The following NKAIN3 variants were observed in gnomAD, a reference collection of about 807,000 sequenced individuals.
NKAIN3 encodes the protein sodium/potassium-transporting ATPase subunit beta-1-interacting protein 3.
NKAIN3 carries 25 observed loss-of-function variants against 30.2 expected under a neutral mutation model. The ratio of observed to expected loss-of-function variants is 0.83; its 90% CI spans 0.60 to 1.16. The LOEUF (loss-of-function observed/expected upper bound fraction) is 1.16. Among genes scored for constraint, NKAIN3 ranks in the 50% most tolerant of loss-of-function variants. The pLI, the probability that NKAIN3 is intolerant of heterozygous loss-of-function variation, is 0.00. For missense variants in NKAIN3, 225 were observed against 254.1 expected (o/e 0.89, Z 0.78); for synonymous variants, 91 against 89.6 (o/e 1.02, Z -0.09).
intron 3 of NKAIN3, among the ~76,000 whole-genome samples, chr8:62,624,806 TTC>T (rs1178963302): frequency 6.6e-6 from 1 of 151,842 alleles, no homozygotes; most frequent in Non-Finnish European, 1.5e-5. Context: ...TTTCCATCTT[TTC>T]TCTCTTGCTT....
chr8:62,571,033 A>G (rs190009233), intron 1 of NKAIN3, among the ~76,000 whole-genome samples: 1 of 152,334 alleles, frequency 6.6e-6, no homozygotes, highest in African/African-American at 2.4e-5. Flanking sequence ...TGAAGAATCA[A>G]TTCTTTCCTT....
intron 3 of NKAIN3, among the ~76,000 whole-genome samples, chr8:62,714,898 A>G (rs1362989905): frequency 3.9e-5 from 6 of 152,200 alleles, no homozygotes; most frequent in African/African-American, 1.4e-4. Flanking sequence ...GGTCATTAAC[A>G]GTGCTGTTTG....
chr8:62,407,021 A>T (rs1209325946), intron 1 of NKAIN3, among the ~76,000 whole-genome samples: 1 of 152,200 alleles, frequency 6.6e-6, no homozygotes, highest in African/African-American at 2.4e-5. Context: ...GTTTGTAACA[A>T]TATAGACATT....
At chr8:62,477,587 AATAGT>A (rs1246002137) in intron 1 of NKAIN3, among the ~76,000 whole-genome samples, 2 of 152,188 alleles carry the variant, frequency 1.3e-5, no homozygotes, top group Admixed American at 1.3e-4. Context: ...GGGTGATAGA[AATAGT>A]ATTGCTAGGA....
chr8:62,308,532 C>T (rs1392215057), intron 1 of NKAIN3, among the ~76,000 whole-genome samples: 1 of 150,532 alleles, frequency 6.6e-6, no homozygotes, highest in East Asian at 1.9e-4. Context: ...AGTGTGGATA[C>T]AGGAGAAAAT....
At chr8:62,582,560 G>A (rs769364359) in intron 2 of NKAIN3, among the ~76,000 whole-genome samples, 10 of 152,104 alleles carry the variant, frequency 6.6e-5, no homozygotes, top group Admixed American at 2.6e-4. Context: ...ACGAGTATGA[G>A]ACAAGTGTGA....
At chr8:62,293,686 G>C (rs753171159) in intron 1 of NKAIN3, among the ~76,000 whole-genome samples, 7 of 152,160 alleles carry the variant, frequency 4.6e-5, no homozygotes, top group Non-Finnish European at 1.0e-4. Flanking sequence ...CGGGGGTCAG[G>C]GACCCATTTC....
intron 3 of NKAIN3, among the ~76,000 whole-genome samples, chr8:62,689,138 C>T (rs763159790): frequency 1.3e-5 from 2 of 152,086 alleles, no homozygotes; most frequent in Non-Finnish European, 2.9e-5. Context: ...CTTTTGGAAA[C>T]TTATTTTTAA....
chr8:62,543,931 A>G (rs1993128), intron 1 of NKAIN3, among the ~76,000 whole-genome samples: 74,941 of 152,028 alleles, frequency 0.49, 19,505 homozygotes, highest in Non-Finnish European at 0.59. Context: ...GGAGTAAAAT[A>G]AGAGAAATGT....
At chr8:62,870,256 A>ATC (rs1334301061) in intron 4 of NKAIN3, among the ~76,000 whole-genome samples, 5 of 45,584 alleles carry the variant, frequency 1.1e-4, no homozygotes, top group Non-Finnish European at 1.8e-4. Flanking sequence ...ATATCTATAT[A>ATC]TATATCTATA....
chr8:62,472,251 T>C (rs1806377547), intron 1 of NKAIN3, among the ~76,000 whole-genome samples: 1 of 151,944 alleles, frequency 6.6e-6, no homozygotes, highest in Non-Finnish European at 1.5e-5. Flanking sequence ...AAATAAAAAC[T>C]GAATCAGGAA....
intron 4 of NKAIN3, among the ~76,000 whole-genome samples, chr8:62,900,247 T>C (rs755372310): frequency 2.0e-5 from 3 of 152,170 alleles, no homozygotes; most frequent in Non-Finnish European, 4.4e-5. Context: ...ATTCTTGTGC[T>C]GCAGAAAAAT....
At position 62,408,715 on chromosome 8, in the gene NKAIN3, T is replaced by C. The variant is rs192642835; in HGVS notation, c.54+159588T>C. On this transcript the variant is annotated intron_variant, in intron 1 of 6. Transcript: ENST00000623646. ...TCTCACCCACCTTGGTCTAAGTTAG[T>C]ACACCACTGCCATTACCATGTCCAA... 1.9e-3 allele frequency among the ~76,000 whole-genome samples: 291 copies of C among 152,286 alleles called. 1 individual carries two copies. Among genetic ancestry groups the C allele is most frequent in the African/African-American group, 6.7e-3 (280 of 41,554 alleles).
Position 62,982,194 on chromosome 8 carries a change from A to C in NKAIN3, c.*16787A>C, listed in dbSNP as rs1824098295. 1 of 152,246 alleles carries C rather than the reference A, an allele frequency of 6.6e-6. No homozygotes were observed. Among genetic ancestry groups the C allele is most frequent in the Admixed American group, 6.5e-5 (1 of 15,286 alleles). 9.4% of individuals were successfully genotyped at this position (152,246 alleles called of 1,614,324 possible). A position where few individuals can be genotyped will look rare whatever the true frequency, so the allele number is the denominator to read the frequency against. ...ATGATTTCAGACTATCAATTTAAAA[A>C]TTCATTAGTATAAATTAAGAACAGG... is the stretch of plus-strand genomic sequence containing the variant. On this transcript the variant is annotated 3_prime_UTR_variant, in exon 7 of 7. Coordinates refer to ENST00000623646, the MANE Select transcript of NKAIN3 (RefSeq NM_001304533.3).
intron 4 of NKAIN3, among the ~76,000 whole-genome samples, chr8:62,783,612 T>TTTTC (rs1466513592): frequency 6.7e-6 from 1 of 148,662 alleles, no homozygotes; most frequent in Non-Finnish European, 1.5e-5. Context: ...ACACTTTTTT[T>TTTTC]TTTTTTTTTT....
intron 1 of NKAIN3, among the ~76,000 whole-genome samples, chr8:62,545,153 A>C (rs1371432996): frequency 6.6e-6 from 1 of 152,212 alleles, no homozygotes; most frequent in Non-Finnish European, 1.5e-5. Context: ...ATATTTCCTA[A>C]GATCCAAAAA....
chr8:62,322,987 G>T (rs1021266304), intron 1 of NKAIN3, among the ~76,000 whole-genome samples: 4 of 152,154 alleles, frequency 2.6e-5, no homozygotes, highest in Non-Finnish European at 5.9e-5. Flanking sequence ...AGATATCATT[G>T]TATGCTTATT....
chr8:62,350,637 A>G (rs1200062160), intron 1 of NKAIN3, among the ~76,000 whole-genome samples: 1 of 152,156 alleles, frequency 6.6e-6, no homozygotes, highest in African/African-American at 2.4e-5. Flanking sequence ...TGTATATTTT[A>G]ATCATCAAAA....
At chr8:62,823,320 A>G (rs1040530353) in intron 4 of NKAIN3, among the ~76,000 whole-genome samples, 2 of 152,172 alleles carry the variant, frequency 1.3e-5, no homozygotes, top group African/African-American at 4.8e-5. Context: ...AATATGTCAT[A>G]TGCAGCAGAT....
Sources: gnomAD v4.1 joint callset for allele counts (sites outside exome capture counted in the v4.1 genomes callset) on GRCh38, gnomAD v4.1.1 for gene constraint, MANE v1.5 for transcripts, NCBI Gene and HGNC (gene_info 2026-07-23, HGNC 2026-07-21) for gene names.